CDH20: variants seen among roughly 807,000 people sequenced by gnomAD.
CDH20 encodes cadherin-20.
Under a neutral mutation model 74.2 loss-of-function variants are expected in CDH20, and 29 were observed. The ratio of observed to expected loss-of-function variants is 0.39; its 90% CI spans 0.29 to 0.53. The LOEUF (loss-of-function observed/expected upper bound fraction) is 0.53, where lower values mean the gene tolerates loss of function less well. Among genes scored for constraint, CDH20 ranks in the 20% least tolerant of loss-of-function variants. The pLI is 0.69. For synonymous variants in CDH20, 469 were observed against 405.4 expected, an observed-to-expected ratio of 1.16 and a Z score of -1.88; for missense variants, 988 against 1,048.3, an observed-to-expected ratio of 0.94 and a Z score of 0.79.
intron 1 of CDH20, among the ~76,000 whole-genome samples, chr18:61,466,350 A>T (rs962442298): frequency 6.6e-6 from 1 of 152,198 alleles, no homozygotes; most frequent in African/African-American, 2.4e-5. Context: ...CAACATTTAC[A>T]ATAGAAACTT....
chr18:61,360,823 G>A (rs534177231), intron 1 of CDH20, among the ~76,000 whole-genome samples: 1 of 152,300 alleles, frequency 6.6e-6, no homozygotes, highest in East Asian at 1.9e-4. Context: ...AAGAAGTGGG[G>A]AACAGCATTT....
rs1599127683 is a variant in CDH20, at chr18:61,498,719, C to T, written c.247-467C>T. 3.3e-5 allele frequency among the ~76,000 whole-genome samples: 5 copies of T among 152,234 alleles called. No individual in the cohort carries two copies. In the South Asian group the frequency reaches 6.2e-4, roughly 19 times the overall value. ...CCCTTAACCTTTTTATAAACTACTT[C>T]CATCAGCTTATCAGCCAACTTGAAT... On this transcript the variant is annotated intron_variant, in intron 2 of 11. Coordinates refer to ENST00000262717, the MANE Select transcript of CDH20 (RefSeq NM_031891.4).
chr18:61,334,393 A>AT (rs1909682721), intron 1 of CDH20: 1 of 152,344 alleles, frequency 6.6e-6, no homozygotes, highest in Admixed American at 6.5e-5. Context: ...TGGGAGGAGA[A>AT]TGTGGTGGGT....
At chr18:61,410,089 T>C (rs765153856) in intron 1 of CDH20, among the ~76,000 whole-genome samples, 5 of 152,228 alleles carry the variant, frequency 3.3e-5, no homozygotes, top group South Asian at 2.1e-4. Context: ...TTGACACTAC[T>C]ATTGTCCTAC....
chr18:61,546,587 G>T (rs928064667), intron 10 of CDH20, among the ~76,000 whole-genome samples: 3 of 152,020 alleles, frequency 2.0e-5, no homozygotes, highest in Admixed American at 2.0e-4. Context: ...GGCAACCCTG[G>T]GGAGGGAAAA....
intron 4 of CDH20, among the ~76,000 whole-genome samples, chr18:61,501,144 T>C (rs1911371482): frequency 1.3e-5 from 2 of 152,106 alleles, no homozygotes; most frequent in African/African-American, 4.8e-5. Context: ...CAGGTCCTGA[T>C]TGGGAAGCTC....
intron 1 of CDH20, among the ~76,000 whole-genome samples, chr18:61,368,882 C>CA (rs1472964617): frequency 3.5e-4 from 1 of 2,820 alleles, no homozygotes; most frequent in African/African-American, 1.5e-3. Context: ...AAAAAAGTTC[C>CA]AAATAAGTTG....
At chr18:61,548,770 A>C (rs1765906630) in intron 10 of CDH20, among the ~76,000 whole-genome samples, 1 of 152,230 alleles carries the variant, frequency 6.6e-6, no homozygotes, top group African/African-American at 2.4e-5. Flanking sequence ...ATGGAGACTT[A>C]CACACCAGCT....
intron 1 of CDH20, among the ~76,000 whole-genome samples, chr18:61,468,189 G>A (rs1330336551): frequency 1.3e-5 from 2 of 152,310 alleles, no homozygotes; most frequent in East Asian, 1.9e-4. Context: ...AAGAGCAGCC[G>A]TGATCCAATC....
chr18:61,518,996 T>C (rs1912099095), intron 6 of CDH20, among the ~76,000 whole-genome samples: 1 of 151,130 alleles, frequency 6.6e-6, no homozygotes, highest in Non-Finnish European at 1.5e-5. Context: ...AACAGTCAAA[T>C]TGATCAAGTG....
intron 1 of CDH20, among the ~76,000 whole-genome samples, chr18:61,431,612 GA>G (rs1913257236): frequency 2.0e-5 from 3 of 151,872 alleles, no homozygotes; most frequent in Admixed American, 1.3e-4. Flanking sequence ...ATATCTTAAA[GA>G]AAAAAAGACC....
intron 1 of CDH20, among the ~76,000 whole-genome samples, chr18:61,400,399 T>C (rs1347652168): frequency 6.6e-6 from 1 of 152,208 alleles, no homozygotes; most frequent in Non-Finnish European, 1.5e-5. Flanking sequence ...TGAAAATTCA[T>C]TCTTTTCTTC....
At chr18:61,553,903 C>T (rs946951663) in intron 11 of CDH20, among the ~76,000 whole-genome samples, 1 of 152,062 alleles carries the variant, frequency 6.6e-6, no homozygotes, top group African/African-American at 2.4e-5. Flanking sequence ...TAGGTGTAGA[C>T]ACACAATTTC....
intron 7 of CDH20, among the ~76,000 whole-genome samples, chr18:61,535,396 G>C (rs950463166): frequency 1.6e-4 from 25 of 152,252 alleles, no homozygotes; most frequent in African/African-American, 5.8e-4. Context: ...TCTCATTGAT[G>C]GTTCTCAATC....
chr18:61,370,538 G>A (rs1022011898), intron 1 of CDH20, among the ~76,000 whole-genome samples: 1 of 152,028 alleles, frequency 6.6e-6, no homozygotes, highest in Admixed American at 6.6e-5. Flanking sequence ...ACAATGTGAT[G>A]TTTGGTAAAC....
chr18:61,413,194 A>G (rs1405322257), intron 1 of CDH20, among the ~76,000 whole-genome samples: 5 of 152,092 alleles, frequency 3.3e-5, no homozygotes, highest in African/African-American at 1.2e-4. Context: ...CCACATCCAC[A>G]TCTGTTAATC....
intron 6 of CDH20, among the ~76,000 whole-genome samples, chr18:61,514,658 T>C (rs1483545101): frequency 6.7e-6 from 1 of 149,992 alleles, no homozygotes; most frequent in African/African-American, 2.4e-5. Context: ...TTGATGATGG[T>C]GATGTACAGA....
intron 1 of CDH20, among the ~76,000 whole-genome samples, chr18:61,366,528 G>A (rs1008021740): frequency 6.6e-6 from 1 of 152,068 alleles, no homozygotes; most frequent in Non-Finnish European, 1.5e-5. Context: ...TATAACAAGT[G>A]TTTGATTTTT....
At chr18:61,493,577 G>T (rs1040498863) in intron 2 of CDH20, among the ~76,000 whole-genome samples, 2 of 152,110 alleles carry the variant, frequency 1.3e-5, no homozygotes, top group Non-Finnish European at 2.9e-5. Context: ...CACATACCAC[G>T]TTTGTCCCTG....
Sources: allele counts gnomAD v4.1 joint callset (sites outside exome capture counted in the v4.1 genomes callset), GRCh38; gene constraint gnomAD v4.1.1; transcripts MANE v1.5; gene names NCBI Gene and HGNC (gene_info 2026-07-23, HGNC 2026-07-21).